The following C12orf42 variants were observed in gnomAD, a reference collection of about 807,000 sequenced individuals.
The protein encoded by C12orf42 is chromosome 12 open reading frame 42.
C12orf42 carries 25 observed loss-of-function variants against 21.6 expected under a neutral mutation model. That is an observed-to-expected ratio of 1.16 (90% CI 0.84 to 1.62). The LOEUF (loss-of-function observed/expected upper bound fraction) is 1.62. Among genes scored for constraint, C12orf42 ranks in the 40% most tolerant of loss-of-function variants. The probability of loss-of-function intolerance (pLI) is 0.00; values close to 1 mark genes in which losing one functional copy is unlikely to be tolerated. For synonymous variants in C12orf42, 174 were observed against 175.0 expected (o/e 0.99, Z 0.05); for missense variants, 483 against 459.3 (o/e 1.05, Z -0.47).
At chr12:103,276,089 A>T (rs566337181) in intron 5 of C12orf42, among the ~76,000 whole-genome samples, 53 of 152,250 alleles carry the variant, frequency 3.5e-4, no homozygotes, top group Non-Finnish European at 4.6e-4. Flanking sequence ...ACAAAATTCC[A>T]TTTAATTCAT....
At chr12:103,336,358 A>T (rs892954010) in intron 4 of C12orf42, among the ~76,000 whole-genome samples, 2 of 152,244 alleles carry the variant, frequency 1.3e-5, no homozygotes, top group Non-Finnish European at 2.9e-5. Flanking sequence ...ACTTTTAGTC[A>T]GAAAACTGAG....
chr12:103,556,650 G>C, the C12orf42 span, among the ~76,000 whole-genome samples: 3 of 152,088 alleles, frequency 2.0e-5, no homozygotes, highest in African/African-American at 7.2e-5. Context: ...CTTGTCAGAG[G>C]GTTCAAACTA....
At position 103,302,388 on chromosome 12, in the gene C12orf42, G is replaced by T. The variant is rs1424053490; in HGVS notation, c.803C>A (p.Ala268Glu). The change falls in exon 6 of 6, where the codon GCG becomes GAG. Residue 268 changes from alanine (A) to glutamate (E), a missense_variant. By Grantham distance (107) the Ala-to-Glu change is moderately radical. Transcript: ENST00000548883. ...GCCTTTTCCGACGGGATTTCCGGAC[G>T]CGCCCAGGAGTCTGCTTTGGATGTC... is the stretch of plus-strand genomic sequence containing the variant. Reference protein sequence around the residue: ...PDDIQSRLLGASGNPVGKGAV... With the variant: ...PDDIQSRLLGESGNPVGKGAV... 1 of 1,613,896 alleles carries T rather than the reference G, an allele frequency of 6.2e-7. No individual in the cohort carries two copies.
intron 2 of C12orf42, among the ~76,000 whole-genome samples, chr12:103,403,711 A>C (rs1199277884): frequency 6.6e-6 from 1 of 152,228 alleles, no homozygotes; most frequent in Non-Finnish European, 1.5e-5. Flanking sequence ...GGGGAAAATT[A>C]GGCCCATCCC....
the C12orf42 span, among the ~76,000 whole-genome samples, chr12:103,527,032 T>C: frequency 1.3e-5 from 2 of 152,148 alleles, no homozygotes; most frequent in Non-Finnish European, 2.9e-5. Flanking sequence ...TCTTTCTTAC[T>C]CAGAGAACCC....
downstream of C12orf42, among the ~76,000 whole-genome samples, chr12:103,234,862 A>G (rs2033421435): frequency 6.6e-6 from 1 of 152,144 alleles, no homozygotes; most frequent in Non-Finnish European, 1.5e-5. Flanking sequence ...GATAATCTTC[A>G]TGAACATACT....
At chr12:103,097,296 T>C in the C12orf42 span, among the ~76,000 whole-genome samples, 1 of 152,138 alleles carries the variant, frequency 6.6e-6, no homozygotes, top group Non-Finnish European at 1.5e-5. Flanking sequence ...TCTTGTGAAA[T>C]GCTAGAGAAT....
chr12:103,135,007 T>C, the C12orf42 span, among the ~76,000 whole-genome samples: 1 of 152,150 alleles, frequency 6.6e-6, no homozygotes, highest in African/African-American at 2.4e-5. Flanking sequence ...AATAAAACAC[T>C]GCTAGCCAAG....
intron 2 of C12orf42, among the ~76,000 whole-genome samples, chr12:103,432,846 G>C (rs1950367893): frequency 6.6e-6 from 1 of 152,110 alleles, no homozygotes; most frequent in Non-Finnish European, 1.5e-5. Context: ...GGCCTCAGAA[G>C]GAATCAAACC....
chr12:103,057,133 G>GC, the C12orf42 span, among the ~76,000 whole-genome samples: 1 of 148,596 alleles, frequency 6.7e-6, no homozygotes, highest in Non-Finnish European at 1.5e-5. Flanking sequence ...GGTTTTAGCT[G>GC]TTTTTTTCTG....
the C12orf42 span, among the ~76,000 whole-genome samples, chr12:103,050,926 C>T: frequency 6.6e-6 from 1 of 152,210 alleles, no homozygotes; most frequent in African/African-American, 2.4e-5. Context: ...TTACAATTAC[C>T]TTCCTCCTTA....
intron 4 of C12orf42, among the ~76,000 whole-genome samples, chr12:103,282,655 C>G (rs186509374): frequency 6.6e-6 from 1 of 152,138 alleles, no homozygotes; most frequent in South Asian, 2.1e-4. Context: ...TTAAGCAATA[C>G]ATGGCTATAT....
intron 2 of C12orf42, 130 bp downstream of exon 2, chr12:103,478,219 T>G (rs1954203873): frequency 1.6e-6 from 1 of 611,808 alleles, no homozygotes; most frequent in Non-Finnish European, 2.8e-6. Context: ...TGGATAAATA[T>G]GGAAACTAAG....
intron 3 of C12orf42, among the ~76,000 whole-genome samples, chr12:103,372,823 T>C (rs114896971): frequency 0.019 from 2,821 of 152,274 alleles, 64 homozygotes; most frequent in African/African-American, 0.058. Context: ...CAGTCCCTAA[T>C]ACATGAGTCA....
At chr12:103,493,241 G>A (rs886457670) in intron 1 of C12orf42, among the ~76,000 whole-genome samples, 8 of 152,148 alleles carry the variant, frequency 5.3e-5, no homozygotes, top group African/African-American at 1.7e-4. Context: ...ATCTGATACA[G>A]CTTTCGACGA....
the C12orf42 span, among the ~76,000 whole-genome samples, chr12:103,155,504 C>A: frequency 6.6e-6 from 1 of 152,124 alleles, no homozygotes; most frequent in East Asian, 1.9e-4. Flanking sequence ...AACAAAATAA[C>A]GGTGGGGACA....
chr12:103,452,327 C>T (rs964542956), intron 2 of C12orf42, among the ~76,000 whole-genome samples: 1 of 152,068 alleles, frequency 6.6e-6, no homozygotes, highest in Non-Finnish European at 1.5e-5. Context: ...CCATCACTTC[C>T]ACCACATTCT....
chr12:103,169,242 G>A, the C12orf42 span, among the ~76,000 whole-genome samples: 2 of 151,860 alleles, frequency 1.3e-5, no homozygotes, highest in African/African-American at 4.8e-5. Flanking sequence ...CGTGCACTAT[G>A]TAAATGGAAT....
chr12:103,215,154 T>C, the C12orf42 span, among the ~76,000 whole-genome samples: 1 of 152,214 alleles, frequency 6.6e-6, no homozygotes, highest in East Asian at 1.9e-4. Context: ...AATAAACATG[T>C]CTTGAACCCC....
Sources: allele counts gnomAD v4.1 joint callset (sites outside exome capture counted in the v4.1 genomes callset), GRCh38; gene constraint gnomAD v4.1.1; transcripts MANE v1.5; gene names NCBI Gene and HGNC (gene_info 2026-07-23, HGNC 2026-07-21).